Variants in ASCC3 observed in about 807,000 individuals in gnomAD.
ASCC3 encodes ASC-1 complex subunit P200.
Under a neutral mutation model 256.3 loss-of-function variants are expected in ASCC3, and 158 were observed. The ratio of observed to expected loss-of-function variants is 0.62; its 90% CI spans 0.54 to 0.70. The LOEUF (loss-of-function observed/expected upper bound fraction) is 0.70, where lower values mean the gene tolerates loss of function less well. Ranked by LOEUF, ASCC3 falls within the 30% of genes least tolerant of loss-of-function variation. ASCC3 has a pLI of 0.00. For synonymous variants in ASCC3, 948 were observed against 883.4 expected, an observed-to-expected ratio of 1.07 and a Z score of -1.30; for missense variants, 2,259 against 2,626.0, an observed-to-expected ratio of 0.86 and a Z score of 3.05.
At chr6:100,822,931 T>C (rs550624168) in intron 4 of ASCC3, among the ~76,000 whole-genome samples, 25 of 152,318 alleles carry the variant, frequency 1.6e-4, no homozygotes, top group African/African-American at 5.8e-4. Context: ...TTTAACCCAA[T>C]ATATACTTCT....
intron 40 of ASCC3, among the ~76,000 whole-genome samples, chr6:100,510,713 T>A (rs1773717383): frequency 6.6e-6 from 1 of 152,212 alleles, no homozygotes; most frequent in East Asian, 1.9e-4. Flanking sequence ...AAGCAATTTG[T>A]AAAATATATT....
chr6:100,868,676 A>T (rs1410502024), intron 1 of ASCC3, among the ~76,000 whole-genome samples: 3 of 152,262 alleles, frequency 2.0e-5, no homozygotes, highest in Non-Finnish European at 2.9e-5. Context: ...TCTCTATTTT[A>T]CTAATCTCCC....
intron 36 of ASCC3, among the ~76,000 whole-genome samples, chr6:100,543,202 G>C (rs1775547287): frequency 7.3e-6 from 1 of 137,464 alleles, no homozygotes; most frequent in African/African-American, 2.6e-5. Context: ...GTCATCTCTA[G>C]ATTACTTATA....
intron 10 of ASCC3, among the ~76,000 whole-genome samples, chr6:100,739,866 A>AT (rs1311614994): frequency 6.6e-6 from 1 of 151,738 alleles, no homozygotes; most frequent in Non-Finnish European, 1.5e-5. Flanking sequence ...AATTTTGTTA[A>AT]TTTTTTTAAA....
chr6:100,745,310 G>T (rs554144885), intron 10 of ASCC3, among the ~76,000 whole-genome samples: 1 of 151,766 alleles, frequency 6.6e-6, no homozygotes, highest in African/African-American at 2.4e-5. Flanking sequence ...CTGGGTGACA[G>T]AGCGAGACTC....
intron 10 of ASCC3, among the ~76,000 whole-genome samples, chr6:100,740,228 G>T (rs1233810927): frequency 1.8e-4 from 27 of 152,134 alleles, no homozygotes. Flanking sequence ...TAATTTCCAT[G>T]TAGTTGTGTG....
At chr6:100,534,641 T>G (rs1775074921) in intron 37 of ASCC3, among the ~76,000 whole-genome samples, 1 of 152,204 alleles carries the variant, frequency 6.6e-6, no homozygotes, top group South Asian at 2.1e-4. Context: ...GACATTTATT[T>G]TTGTTAAGGG....
chr6:100,855,848 G>A (rs976214036), intron 3 of ASCC3, among the ~76,000 whole-genome samples: 3 of 152,156 alleles, frequency 2.0e-5, no homozygotes, highest in African/African-American at 7.2e-5. Context: ...AACTACAGAG[G>A]GTGAGAACTG....
At chr6:100,825,384 T>TTAC (rs1157049764) in intron 4 of ASCC3, among the ~76,000 whole-genome samples, 1 of 152,104 alleles carries the variant, frequency 6.6e-6, no homozygotes, top group Non-Finnish European at 1.5e-5. Flanking sequence ...CAACAACTTC[T>TTAC]TACTACTACT....
At chr6:100,525,335 A>G (rs1774527573) in intron 37 of ASCC3, among the ~76,000 whole-genome samples, 1 of 151,984 alleles carries the variant, frequency 6.6e-6, no homozygotes, top group Non-Finnish European at 1.5e-5. Flanking sequence ...GAGAAAAATT[A>G]CATTAATTTA....
intron 30 of ASCC3, among the ~76,000 whole-genome samples, chr6:100,609,152 T>C (rs917134407): frequency 4.6e-5 from 7 of 152,100 alleles, no homozygotes; most frequent in Admixed American, 3.9e-4. Context: ...AATCGGTCCC[T>C]TATGTTTTGT....
At chr6:100,600,106 G>A (rs1772522102) in intron 34 of ASCC3, among the ~76,000 whole-genome samples, 1 of 151,706 alleles carries the variant, frequency 6.6e-6, no homozygotes, top group African/African-American at 2.4e-5. Flanking sequence ...CAAGCCCAAA[G>A]CTCTTTCTGT....
At chr6:100,566,209 T>G (rs1770239600) in intron 36 of ASCC3, among the ~76,000 whole-genome samples, 1 of 152,180 alleles carries the variant, frequency 6.6e-6, no homozygotes, top group Non-Finnish European at 1.5e-5. Context: ...TACATACTAA[T>G]TATCTAATTA....
intron 36 of ASCC3, among the ~76,000 whole-genome samples, chr6:100,580,381 G>C (rs1771152794): frequency 6.6e-6 from 1 of 151,948 alleles, no homozygotes; most frequent in South Asian, 2.1e-4. Flanking sequence ...ACAATCAAGA[G>C]ATCATCACTT....
intron 37 of ASCC3, among the ~76,000 whole-genome samples, chr6:100,538,590 C>T (rs1179572830): frequency 1.3e-5 from 2 of 152,080 alleles, no homozygotes; most frequent in East Asian, 3.8e-4. Context: ...TGCTCAGATA[C>T]GGCTACTGTT....
At chr6:100,619,120 T>C (rs903251451) in intron 30 of ASCC3, among the ~76,000 whole-genome samples, 15 of 152,224 alleles carry the variant, frequency 9.9e-5, no homozygotes, top group Non-Finnish European at 2.9e-5. Context: ...ATTTGTTCTA[T>C]TGCCAGAATA....
At chr6:100,587,131 C>A (rs547261147) in intron 36 of ASCC3, among the ~76,000 whole-genome samples, 1 of 151,916 alleles carries the variant, frequency 6.6e-6, no homozygotes, top group Non-Finnish European at 1.5e-5. Context: ...TAATGTTATC[C>A]CCACAGCTTT....
At chr6:100,803,953 CA>C (rs922122625) in intron 5 of ASCC3, among the ~76,000 whole-genome samples, 17 of 151,884 alleles carry the variant, frequency 1.1e-4, no homozygotes, top group African/African-American at 4.1e-4. Context: ...TGGCAAAAAA[CA>C]GTGTGGTAAA....
At chr6:100,727,061 T>C (rs1336155963) in intron 10 of ASCC3, among the ~76,000 whole-genome samples, 1 of 152,090 alleles carries the variant, frequency 6.6e-6, no homozygotes, top group Non-Finnish European at 1.5e-5. Flanking sequence ...CAATTCATCT[T>C]AAACGTTATT....
Sources: allele counts gnomAD v4.1 joint callset (sites outside exome capture counted in the v4.1 genomes callset), GRCh38; gene constraint gnomAD v4.1.1; transcripts MANE v1.5; gene names NCBI Gene and HGNC (gene_info 2026-07-23, HGNC 2026-07-21).